The following NFIA variants were observed in gnomAD, a reference collection of about 807,000 sequenced individuals.
NFIA encodes the protein nuclear factor 1 A-type.
A neutral mutation model predicts 62.8 loss-of-function variants in NFIA; 8 were observed. That is an observed-to-expected ratio of 0.13 (90% confidence interval 0.07 to 0.23). NFIA has a LOEUF of 0.23. Ranked by LOEUF, NFIA falls within the 10% of genes least tolerant of loss-of-function variation. The pLI is 1.00. For missense variants in NFIA, 410 were observed against 642.1 expected, an observed-to-expected ratio of 0.64 and a Z score of 3.91; for synonymous variants, 235 against 238.1, an observed-to-expected ratio of 0.99 and a Z score of 0.12.
At chr1:61,379,440 G>T (rs993952009) in intron 6 of NFIA, among the ~76,000 whole-genome samples, 2 of 110,160 alleles carry the variant, frequency 1.8e-5, no homozygotes, top group East Asian at 5.5e-4. Flanking sequence ...ATGGAATCTT[G>T]CTCTGTCAGT....
At position 61,459,174 on chromosome 1, in the gene NFIA, C is replaced by T. The variant is rs1347195830; in HGVS notation, c.*3854C>T. The T allele has an allele frequency of 6.6e-6, 1 of 152,200 alleles. No homozygotes were observed. Among genetic ancestry groups the T allele is most frequent in the East Asian group, 1.9e-4 (1 of 5,192 alleles). The allele number at this position is 152,200 out of a possible 1,614,324, so 9.4% of individuals were successfully genotyped here. A position where few individuals can be genotyped will look rare whatever the true frequency, so the allele number is the denominator to read the frequency against. On this transcript the variant is annotated 3_prime_UTR_variant, in exon 11 of 11. Coordinates refer to ENST00000403491, the MANE Select transcript of NFIA (RefSeq NM_001134673.4). Reference sequence around the variant, plus strand: ...AGCTATCAGCATTTGAAGGCCCAGCCCTTGACTCTGAGACACATTTGAATT... The same window carrying T: ...AGCTATCAGCATTTGAAGGCCCAGCTCTTGACTCTGAGACACATTTGAATT...
chr1:61,083,248 C>A (rs1646150797), intron 1 of NFIA, among the ~76,000 whole-genome samples: 1 of 152,016 alleles, frequency 6.6e-6, no homozygotes, highest in East Asian at 1.9e-4. Flanking sequence ...CCGCAGCGCC[C>A]GGGGAGGGGG....
chr1:61,446,131 T>A (rs1047433293), intron 10 of NFIA, among the ~76,000 whole-genome samples: 1 of 152,182 alleles, frequency 6.6e-6, no homozygotes, highest in Non-Finnish European at 1.5e-5. Flanking sequence ...TAGAGAGATC[T>A]GGTGAAGTTC....
intron 3 of NFIA, among the ~76,000 whole-genome samples, chr1:61,307,650 G>GT (rs1470253272): frequency 6.6e-6 from 1 of 152,188 alleles, no homozygotes; most frequent in East Asian, 1.9e-4. Context: ...TCTGTTTTGT[G>GT]TTTTATTAAG....
rs139878893 is a variant in NFIA, at chr1:61,324,448, A to G, written c.626-8064A>G. 5.9e-5 allele frequency among the ~76,000 whole-genome samples: 9 copies of G among 152,352 alleles called. No individual in the cohort carries two copies. The East Asian group carries it at 1.5e-3, about 26-fold the overall frequency. ...GACTGGGGTATTGCAGTTTGCCTAC[A>G]TCCCTTAACCAGACGAGATTTGATC... On this transcript the variant is annotated intron_variant, in intron 3 of 10. Transcript: ENST00000403491.
At chr1:61,194,059 A>T (rs1651828488) in intron 2 of NFIA, among the ~76,000 whole-genome samples, 1 of 152,212 alleles carries the variant, frequency 6.6e-6, no homozygotes, top group African/African-American at 2.4e-5. Flanking sequence ...GATTAACAAG[A>T]TTGATTTGAC....
chr1:61,127,313 C>T (rs1051903990), intron 2 of NFIA, among the ~76,000 whole-genome samples: 7 of 151,712 alleles, frequency 4.6e-5, no homozygotes, highest in Non-Finnish European at 1.0e-4. Context: ...AAAAATTAGC[C>T]GGGCATGGTG....
At chr1:61,328,418 T>A (rs990206811) in intron 3 of NFIA, among the ~76,000 whole-genome samples, 1 of 112,120 alleles carries the variant, frequency 8.9e-6, no homozygotes, top group Non-Finnish European at 1.7e-5. Context: ...ATCATTTATT[T>A]TATATATATA....
At chr1:61,277,366 T>C (rs1305169480) in intron 2 of NFIA, among the ~76,000 whole-genome samples, 154 bp from the exon 3 acceptor site, 1 of 152,238 alleles carries the variant, frequency 6.6e-6, no homozygotes, top group African/African-American at 2.4e-5. Flanking sequence ...CTTTCTTTTC[T>C]CTTTCCATCT....
At chr1:61,149,382 A>G (rs981171533) in intron 2 of NFIA, among the ~76,000 whole-genome samples, 1 of 152,186 alleles carries the variant, frequency 6.6e-6, no homozygotes, top group Non-Finnish European at 1.5e-5. Context: ...TTTGGCCTTC[A>G]TAGCTCTAGC....
At chr1:61,281,808 CA>C (rs1364787533) in intron 3 of NFIA, among the ~76,000 whole-genome samples, 2 of 152,098 alleles carry the variant, frequency 1.3e-5, no homozygotes, top group African/African-American at 4.8e-5. Flanking sequence ...GGATTTATGA[CA>C]AATTCCTTTT....
At chr1:61,417,030 A>G (rs182410898) in intron 9 of NFIA, among the ~76,000 whole-genome samples, 16 of 152,258 alleles carry the variant, frequency 1.1e-4, no homozygotes, top group African/African-American at 3.6e-4. Context: ...CAAAGAAGGA[A>G]TAGGAAAAAG....
At chr1:61,254,418 T>C (rs1226019438) in intron 2 of NFIA, among the ~76,000 whole-genome samples, 1 of 152,204 alleles carries the variant, frequency 6.6e-6, no homozygotes, top group Non-Finnish European at 1.5e-5. Flanking sequence ...CAGTAAATGA[T>C]AGAGCATTGA....
intron 2 of NFIA, among the ~76,000 whole-genome samples, chr1:61,121,300 CAT>C (rs971780018): frequency 1.4e-4 from 22 of 152,088 alleles, no homozygotes; most frequent in East Asian, 3.9e-4. Flanking sequence ...GGAAAGAAAA[CAT>C]GTGAATTCTT....
intron 7 of NFIA, among the ~76,000 whole-genome samples, chr1:61,397,009 A>G (rs572239448): frequency 2.6e-5 from 4 of 151,742 alleles, no homozygotes; most frequent in Admixed American, 6.6e-5. Flanking sequence ...CTCCAAAAAA[A>G]AAAATAATAA....
intron 3 of NFIA, among the ~76,000 whole-genome samples, chr1:61,314,680 G>T (rs1660279304): frequency 6.6e-6 from 1 of 152,040 alleles, no homozygotes; most frequent in South Asian, 2.1e-4. Context: ...CTATCCATAG[G>T]GTTATCCTTG....
Position 61,155,399 on chromosome 1 carries a change from C to T in NFIA, c.559+66719C>T, listed in dbSNP as rs370619928. On this transcript the variant is annotated intron_variant, in intron 2 of 10. Transcript: ENST00000403491. The stretch of plus-strand genomic sequence containing the variant: ...CTTTAAAATTCTAGAGTTGGCCGGG[C>T]GCGGTGGCTCACGCCTGTAATCCCA... 1.1e-4 allele frequency among the ~76,000 whole-genome samples: 17 copies of T among 152,244 alleles called. No homozygotes were observed. In the South Asian group the frequency reaches 1.7e-3, roughly 15 times the overall value.
At chr1:61,249,198 T>C (rs1655849798) in intron 2 of NFIA, 1 of 152,168 alleles carries the variant, frequency 6.6e-6, no homozygotes, top group African/African-American at 2.4e-5. Flanking sequence ...TTATAAAAGG[T>C]GCTTACATAC....
At chr1:61,326,685 T>C (rs1460827500) in intron 3 of NFIA, among the ~76,000 whole-genome samples, 1 of 152,122 alleles carries the variant, frequency 6.6e-6, no homozygotes, top group Non-Finnish European at 1.5e-5. Flanking sequence ...AGAGTATAAC[T>C]GGTCAGTATT....
Sources: allele counts gnomAD v4.1 joint callset (sites outside exome capture counted in the v4.1 genomes callset), GRCh38; gene constraint gnomAD v4.1.1; transcripts MANE v1.5; gene names NCBI Gene and HGNC (gene_info 2026-07-23, HGNC 2026-07-21).